ATG7: variants seen among roughly 807,000 people sequenced by gnomAD.
ATG7 encodes the protein ubiquitin-like modifier-activating enzyme ATG7.
A neutral mutation model predicts 82.4 loss-of-function variants in ATG7; 70 were observed. The ratio of observed to expected loss-of-function variants is 0.85; its 90% CI spans 0.70 to 1.04. The LOEUF (loss-of-function observed/expected upper bound fraction) is 1.04. Among genes scored for constraint, ATG7 ranks in the 50% least tolerant of loss-of-function variants. ATG7 has a pLI of 0.00. For missense variants in ATG7, 792 were observed against 864.3 expected, an observed-to-expected ratio of 0.92 and a Z score of 1.05; for synonymous variants, 287 against 313.0, an observed-to-expected ratio of 0.92 and a Z score of 0.88.
intron 20 of ATG7, among the ~76,000 whole-genome samples, chr3:11,496,392 A>G (rs2090837898): frequency 6.6e-6 from 1 of 152,188 alleles, no homozygotes; most frequent in Non-Finnish European, 1.5e-5. Context: ...TCCCAAGGAT[A>G]AGAGAATGTT....
At chr3:11,345,245 A>C (rs1954332936) in intron 13 of ATG7, among the ~76,000 whole-genome samples, 1 of 152,118 alleles carries the variant, frequency 6.6e-6, no homozygotes, top group Non-Finnish European at 1.5e-5. Context: ...TCTCTACTAA[A>C]AATACAAAAA....
chr3:11,408,694 C>T (rs762861462), intron 19 of ATG7, among the ~76,000 whole-genome samples: 70 of 152,282 alleles, frequency 4.6e-4, no homozygotes, highest in Non-Finnish European at 6.5e-4. Context: ...TACAGGGGAA[C>T]GCCTCGTTAA....
chr3:11,521,635 T>C (rs1444386868), intron 20 of ATG7, among the ~76,000 whole-genome samples: 1 of 151,732 alleles, frequency 6.6e-6, no homozygotes, highest in Non-Finnish European at 1.5e-5. Flanking sequence ...TCACTGCAAG[T>C]TCCACCTCCT....
At chr3:11,535,009 G>C (rs1358186386) in intron 20 of ATG7, among the ~76,000 whole-genome samples, 1 of 152,240 alleles carries the variant, frequency 6.6e-6, no homozygotes, top group Non-Finnish European at 1.5e-5. Flanking sequence ...CAAGGTCTTT[G>C]CTCCCTTAAT....
At chr3:11,540,790 A>G (rs2070746095) in intron 20 of ATG7, among the ~76,000 whole-genome samples, 1 of 151,822 alleles carries the variant, frequency 6.6e-6, no homozygotes, top group African/African-American at 2.4e-5. Flanking sequence ...AGTTCAGTTA[A>G]TAATTTTTTT....
chr3:11,344,823 C>T (rs895123020), intron 13 of ATG7, among the ~76,000 whole-genome samples: 7 of 152,138 alleles, frequency 4.6e-5, no homozygotes, highest in Admixed American at 2.6e-4. Context: ...GAGCCAAGAT[C>T]GTGCCACTGC....
chr3:11,505,617 C>T (rs2153068212), intron 20 of ATG7, among the ~76,000 whole-genome samples: 1 of 152,254 alleles, frequency 6.6e-6, no homozygotes, highest in East Asian at 1.9e-4. Flanking sequence ...TTCTAAAGAC[C>T]ACTCTCAGCC....
chr3:11,486,761 T>G (rs1243340179), intron 20 of ATG7, among the ~76,000 whole-genome samples: 1 of 152,192 alleles, frequency 6.6e-6, no homozygotes, highest in African/African-American at 2.4e-5. Context: ...TTGTTGAATT[T>G]TGTCAAAGGC....
chr3:11,452,015 TGGG>T (rs968692370), intron 20 of ATG7, among the ~76,000 whole-genome samples: 2 of 71,530 alleles, frequency 2.8e-5, no homozygotes, highest in Non-Finnish European at 4.7e-5. Context: ...ACCAGGGACT[TGGG>T]GGGTTGGGGG....
intron 18 of ATG7, among the ~76,000 whole-genome samples, chr3:11,370,372 G>A (rs1228553778): frequency 6.6e-6 from 1 of 151,116 alleles, no homozygotes; most frequent in Non-Finnish European, 1.5e-5. Context: ...AGTGGTGGGA[G>A]CTGAAGCTCT....
intron 9 of ATG7, among the ~76,000 whole-genome samples, chr3:11,329,832 T>C (rs937783158): frequency 3.3e-5 from 5 of 152,142 alleles, no homozygotes; most frequent in African/African-American, 1.2e-4. Context: ...CTCTAGACAT[T>C]TCCGATTTCA....
intron 20 of ATG7, chr3:11,510,310 C>T (rs1473522403): frequency 2.2e-6 from 1 of 456,226 alleles, no homozygotes; most frequent in African/African-American, 2.0e-5. Context: ...CAATTCCTTG[C>T]ATTCATACTT....
At chr3:11,390,024 A>C (rs1447657379) in intron 19 of ATG7, among the ~76,000 whole-genome samples, 1 of 152,194 alleles carries the variant, frequency 6.6e-6, no homozygotes, top group Non-Finnish European at 1.5e-5. Context: ...AGGACCTTGA[A>C]GGGAGAGGGT....
At chr3:11,496,687 CTTG>C (rs1034833893) in intron 20 of ATG7, among the ~76,000 whole-genome samples, 4 of 152,082 alleles carry the variant, frequency 2.6e-5, no homozygotes, top group Non-Finnish European at 5.9e-5. Flanking sequence ...CTCATTTGAT[CTTG>C]TTGTACCCTG....
At chr3:11,440,713 C>T (rs1479178459) in intron 20 of ATG7, among the ~76,000 whole-genome samples, 24 of 72,750 alleles carry the variant, frequency 3.3e-4, no homozygotes, top group Admixed American at 9.4e-4. Flanking sequence ...GACGGACTTT[C>T]GCTCTTGTCG....
In ATG7 at chr3:11,423,619, CT is replaced by C. The variant is rs929758051; in HGVS notation, c.1957-3175del. On this transcript the variant is annotated intron_variant, in intron 19 of 20. Coordinates refer to ENST00000693202, the MANE Select transcript of ATG7 (RefSeq NM_001349232.2). Reference sequence around the variant, plus strand: ...AGGAATTGAGTTATTTATTAAATGCCTTTTTTTTTTCCAGGGGGTTAGGCTG... The same window carrying C: ...AGGAATTGAGTTATTTATTAAATGCCTTTTTTTTTCCAGGGGGTTAGGCTG... Among the ~76,000 whole-genome samples the C allele has an allele frequency of 7.4e-4, 110 of 149,220 alleles. 1 individual carries two copies. Among genetic ancestry groups the C allele is most frequent in the African/African-American group, 2.4e-3 (96 of 40,724 alleles).
At chr3:11,534,994 C>T (rs2092763060) in intron 20 of ATG7, among the ~76,000 whole-genome samples, 1 of 152,258 alleles carries the variant, frequency 6.6e-6, no homozygotes, top group Non-Finnish European at 1.5e-5. Flanking sequence ...TGCACATTCT[C>T]ATCCCAAGGT....
At chr3:11,529,065 AAAG>A (rs1404270282) in intron 20 of ATG7, among the ~76,000 whole-genome samples, 14 of 152,038 alleles carry the variant, frequency 9.2e-5, no homozygotes, top group African/African-American at 3.4e-4. Context: ...ACTGTGGAAA[AAAG>A]GGGGCGGTAC....
At chr3:11,513,358 T>C (rs1467695524) in intron 20 of ATG7, among the ~76,000 whole-genome samples, 1 of 152,200 alleles carries the variant, frequency 6.6e-6, no homozygotes, top group Non-Finnish European at 1.5e-5. Flanking sequence ...GGCTCAGGCA[T>C]GGTGGGCTGC....
Sources: allele counts gnomAD v4.1 joint callset (sites outside exome capture counted in the v4.1 genomes callset), GRCh38; gene constraint gnomAD v4.1.1; transcripts MANE v1.5; gene names NCBI Gene and HGNC (gene_info 2026-07-23, HGNC 2026-07-21).